PTPRD: variants seen among roughly 807,000 people sequenced by gnomAD.
The protein encoded by PTPRD is receptor-type tyrosine-protein phosphatase delta.
A neutral mutation model predicts 214.5 loss-of-function variants in PTPRD; 34 were observed. That is an observed-to-expected ratio of 0.16 (90% CI 0.12 to 0.21). The LOEUF (loss-of-function observed/expected upper bound fraction) is 0.21, where lower values mean the gene tolerates loss of function less well. Among genes scored for constraint, PTPRD ranks in the 10% least tolerant of loss-of-function variants. PTPRD has a pLI of 1.00. For synonymous variants in PTPRD, 1,128 were observed against 845.7 expected, an observed-to-expected ratio of 1.33 and a Z score of -5.79; for missense variants, 2,545 against 2,398.7, an observed-to-expected ratio of 1.06 and a Z score of -1.27.
intron 5 of PTPRD, among the ~76,000 whole-genome samples, chr9:9,905,714 G>A (rs1306459185): frequency 6.6e-6 from 1 of 151,830 alleles, no homozygotes; most frequent in Non-Finnish European, 1.5e-5. Flanking sequence ...TAATACAGAA[G>A]AATTCAAGAC....
At chr9:9,420,505 T>G (rs1307958204) in intron 8 of PTPRD, among the ~76,000 whole-genome samples, 1 of 151,888 alleles carries the variant, frequency 6.6e-6, no homozygotes, top group African/African-American at 2.4e-5. Flanking sequence ...TACACTGTAA[T>G]CGGGGAATAC....
intron 11 of PTPRD, among the ~76,000 whole-genome samples, chr9:8,977,911 T>C (rs1007693290): frequency 6.6e-6 from 1 of 152,066 alleles, no homozygotes; most frequent in Non-Finnish European, 1.5e-5. Flanking sequence ...GCCAGTAAAA[T>C]ACTCTCAGTT....
intron 2 of PTPRD, among the ~76,000 whole-genome samples, chr9:10,342,939 C>A (rs1016355022): frequency 1.3e-5 from 2 of 152,174 alleles, no homozygotes; most frequent in Non-Finnish European, 2.9e-5. Context: ...GTATCTTCTC[C>A]ATTTAAATAG....
At chr9:10,456,252 T>G (rs569750971) in intron 2 of PTPRD, among the ~76,000 whole-genome samples, 1 of 151,934 alleles carries the variant, frequency 6.6e-6, no homozygotes, top group Non-Finnish European at 1.5e-5. Context: ...TTTAAAGTGC[T>G]GTTTTGAAAT....
intron 2 of PTPRD, among the ~76,000 whole-genome samples, chr9:10,479,199 C>G (rs1046407198): frequency 6.6e-6 from 1 of 152,074 alleles, no homozygotes; most frequent in Non-Finnish European, 1.5e-5. Context: ...ACAGAATTTC[C>G]AGGCACATTC....
chr9:8,373,951 C>G (rs2082432989), intron 39 of PTPRD, among the ~76,000 whole-genome samples: 1 of 150,488 alleles, frequency 6.6e-6, no homozygotes, highest in Non-Finnish European at 1.5e-5. Context: ...AGTGCCTCCA[C>G]TTTAATTTAC....
At chr9:9,415,851 G>T (rs1434206251) in intron 8 of PTPRD, among the ~76,000 whole-genome samples, 3 of 152,122 alleles carry the variant, frequency 2.0e-5, no homozygotes, top group Admixed American at 1.3e-4. Context: ...TGATTTCATT[G>T]TCCCGGTTAG....
chr9:8,554,577 G>T (rs967556525), intron 14 of PTPRD, among the ~76,000 whole-genome samples: 3 of 152,174 alleles, frequency 2.0e-5, no homozygotes, highest in African/African-American at 7.2e-5. Flanking sequence ...AAGTCCAATT[G>T]TGACACATTA....
intron 11 of PTPRD, among the ~76,000 whole-genome samples, chr9:8,740,105 T>G (rs1476952618): frequency 6.6e-6 from 1 of 152,168 alleles, no homozygotes; most frequent in Non-Finnish European, 1.5e-5. Context: ...TTTTTTAAAT[T>G]ATTTCATAGA....
intron 3 of PTPRD, among the ~76,000 whole-genome samples, chr9:10,288,084 A>G (rs1596231980): frequency 6.9e-6 from 1 of 145,464 alleles, no homozygotes; most frequent in East Asian, 2.0e-4. Flanking sequence ...TTTTTCTAAA[A>G]TACTTTAAAA....
chr9:9,421,157 C>T (rs537185283), intron 8 of PTPRD, among the ~76,000 whole-genome samples: 168 of 151,824 alleles, frequency 1.1e-3, no homozygotes, highest in African/African-American at 3.9e-3. Context: ...TCCATAACCT[C>T]GAGAGCCATA....
chr9:9,667,159 G>T lies in PTPRD; in HGVS notation c.-287+67374C>A, dbSNP rs576093620. On this transcript the variant is annotated intron_variant, in intron 7 of 45. Coordinates refer to ENST00000381196, the MANE Select transcript of PTPRD (RefSeq NM_002839.4). The stretch of plus-strand genomic sequence containing the variant: ...CTTTGTTTATTACTGATTACTCATG[G>T]CTGTGACCCCCAACCCAACCAACTT... Among the ~76,000 whole-genome samples the T allele has an allele frequency of 2.0e-5, 3 of 151,814 alleles. No homozygotes were observed. In the East Asian group the frequency reaches 5.8e-4, roughly 29 times the overall value.
chr9:9,491,902 A>T (rs1589772249), intron 8 of PTPRD, among the ~76,000 whole-genome samples: 5 of 152,084 alleles, frequency 3.3e-5, no homozygotes, highest in Admixed American at 3.3e-4. Context: ...AAGAGCAGAG[A>T]TCAATGAAAT....
At chr9:8,596,195 G>A (rs1047891653) in intron 14 of PTPRD, among the ~76,000 whole-genome samples, 2 of 151,974 alleles carry the variant, frequency 1.3e-5, no homozygotes, top group South Asian at 4.2e-4. Flanking sequence ...ATAGTATTTT[G>A]CATATCATGA....
At chr9:10,009,808 A>G (rs2096560140) in intron 4 of PTPRD, among the ~76,000 whole-genome samples, 1 of 151,968 alleles carries the variant, frequency 6.6e-6, no homozygotes, top group Admixed American at 6.6e-5. Flanking sequence ...CAGGGCCTGT[A>G]AAGCTCTCGT....
At chr9:10,327,870 C>T (rs1221587447) in intron 3 of PTPRD, among the ~76,000 whole-genome samples, 1 of 151,684 alleles carries the variant, frequency 6.6e-6, no homozygotes, top group Non-Finnish European at 1.5e-5. Context: ...TCCTGAAGAA[C>T]CCAGGTCTAT....
intron 9 of PTPRD, among the ~76,000 whole-genome samples, chr9:9,233,517 A>T (rs372028171): frequency 3.2e-4 from 48 of 152,288 alleles, no homozygotes; most frequent in African/African-American, 1.2e-3. Flanking sequence ...ACAGTCCTCC[A>T]AAGTGTTAGC....
intron 2 of PTPRD, among the ~76,000 whole-genome samples, chr9:10,471,198 T>C (rs2184681): frequency 0.82 from 125,126 of 151,860 alleles, 51,810 homozygotes; most frequent in East Asian, 0.98. Flanking sequence ...CTAATATAGA[T>C]GATGGGTTGA....
chr9:8,904,228 A>G (rs1328831798), intron 11 of PTPRD, among the ~76,000 whole-genome samples: 3 of 152,224 alleles, frequency 2.0e-5, no homozygotes, highest in African/African-American at 7.2e-5. Flanking sequence ...CCTAAGAACT[A>G]CTAGGACATT....
Sources: allele counts gnomAD v4.1 joint callset (sites outside exome capture counted in the v4.1 genomes callset), GRCh38; gene constraint gnomAD v4.1.1; transcripts MANE v1.5; gene names NCBI Gene and HGNC (gene_info 2026-07-23, HGNC 2026-07-21).